PAPOLG: variants seen among roughly 807,000 people sequenced by gnomAD.
PAPOLG encodes poly(A) polymerase gamma, also known as PAP-gamma.
Under a neutral mutation model 99.0 loss-of-function variants are expected in PAPOLG, and 40 were observed. That is an observed-to-expected ratio of 0.40 (90% confidence interval 0.31 to 0.53). The LOEUF (loss-of-function observed/expected upper bound fraction) is 0.53, where lower values mean the gene tolerates loss of function less well. PAPOLG is among the 20% of genes least tolerant of loss of function. The pLI is 0.41. For missense variants in PAPOLG, 675 were observed against 884.1 expected, an observed-to-expected ratio of 0.76 and a Z score of 3.00; for synonymous variants, 310 against 299.3, an observed-to-expected ratio of 1.04 and a Z score of -0.37.
chr2:60,761,903 A>C (rs1045769088), intron 3 of PAPOLG, 96 bp downstream of exon 3: 1 of 890,762 alleles, frequency 1.1e-6, no homozygotes, highest in Non-Finnish European at 1.8e-6. Context: ...TCTGAAATAC[A>C]TCAAAGCTTG....
At chr2:60,796,894 A>G (rs917054103) in intron 21 of PAPOLG, 168 bp from the exon 22 acceptor site, 3 of 366,948 alleles carry the variant, frequency 8.2e-6, no homozygotes, top group African/African-American at 6.7e-5. Context: ...TCCGAAAGCA[A>G]GAGTTCCCTA....
chr2:60,756,403 A>G lies in PAPOLG; in HGVS notation c.-76A>G, dbSNP rs1670340039. 5 of 1,599,634 alleles carry G rather than the reference A, an allele frequency of 3.1e-6. No individual in the cohort carries two copies. The highest frequency in any genetic ancestry group is 1.7e-4 in the Middle Eastern group (1 of 5,962). On this transcript the variant is annotated 5_prime_UTR_variant, in exon 1 of 22. Coordinates refer to ENST00000238714, the MANE Select transcript of PAPOLG (RefSeq NM_022894.4). ...GCTACTAGCGACCGGAGGAAAGTGA[A>G]CAGGGGGAGAAGGGAACAGCAAGAA...
rs571066215 is a variant in PAPOLG at position 60,765,411 on chromosome 2, T to A, written c.247-3059T>A. ...TTCTCTTTTTTTTTTTTTTTGATTT[T>A]AAAAAAAAAAGTGACGAGGTCTCAC... On this transcript the variant is annotated intron_variant, in intron 3 of 21. Transcript: ENST00000238714. 2.4e-3 allele frequency among the ~76,000 whole-genome samples: 347 copies of A among 146,638 alleles called. 4 individuals carry two copies. Among genetic ancestry groups the A allele is most frequent in the South Asian group, 0.012 (56 of 4,612 alleles).
At chr2:60,792,388 G>A in intron 17 of PAPOLG, 99 bp downstream of exon 17, 1 of 1,121,578 alleles carries the variant, frequency 8.9e-7, no homozygotes, top group South Asian at 1.5e-5. Flanking sequence ...TTTTAAAATT[G>A]TTAAAAGATT....
At chr2:60,764,648 A>G (rs1217652183) in intron 3 of PAPOLG, among the ~76,000 whole-genome samples, 1 of 151,830 alleles carries the variant, frequency 6.6e-6, no homozygotes, top group African/African-American at 2.4e-5. Flanking sequence ...CTGATCTCGA[A>G]CTCCTGAGTT....
intron 17 of PAPOLG, among the ~76,000 whole-genome samples, chr2:60,793,280 G>T (rs1369814501): frequency 6.6e-6 from 1 of 151,074 alleles, no homozygotes; most frequent in African/African-American, 2.4e-5. Flanking sequence ...AATGGGGCCA[G>T]GCGTGGTGGG....
chr2:60,765,181 AC>A (rs1670636696), intron 3 of PAPOLG, among the ~76,000 whole-genome samples: 1 of 133,496 alleles, frequency 7.5e-6, no homozygotes, highest in Non-Finnish European at 1.6e-5. Flanking sequence ...CAATCCTCTC[AC>A]CCCAGCCCCC....
intron 10 of PAPOLG, among the ~76,000 whole-genome samples, chr2:60,781,339 G>A (rs939540780): frequency 1.3e-5 from 2 of 150,578 alleles, no homozygotes; most frequent in Non-Finnish European, 2.9e-5. Context: ...CCTGGGTGAC[G>A]AGTTGAGACT....
intron 11 of PAPOLG, 126 bp downstream of exon 11, chr2:60,782,131 T>A: frequency 9.7e-7 from 1 of 1,035,186 alleles, no homozygotes; most frequent in Non-Finnish European, 1.4e-6. Flanking sequence ...TTCTTTCAAG[T>A]ATGGTTATTT....
chr2:60,764,870 A>G (rs1000660311), intron 3 of PAPOLG, among the ~76,000 whole-genome samples: 6 of 152,100 alleles, frequency 3.9e-5, no homozygotes, highest in Non-Finnish European at 8.8e-5. Context: ...TATTTATGCT[A>G]TTTACTTTTG....
At chr2:60,785,823 G>A (rs1671345715) in intron 13 of PAPOLG, among the ~76,000 whole-genome samples, 1 of 151,554 alleles carries the variant, frequency 6.6e-6, no homozygotes, top group Non-Finnish European at 1.5e-5. Context: ...ATGAGCCACC[G>A]CACCTGGCCT....
In PAPOLG at chr2:60,761,813, ACT is replaced by A. The variant is rs1458922807; in HGVS notation, c.246+9_246+10del. The A allele has an allele frequency of 6.5e-6, 10 of 1,543,094 alleles. No homozygotes were observed. The highest frequency in any genetic ancestry group is 8.9e-6 in the Non-Finnish European group (10 of 1,122,432). On this transcript the variant is annotated splice_region_variant and intron_variant, in intron 3 of 21. Transcript: ENST00000238714. Reference sequence around the variant, plus strand: ...CTGATGTCAGCGAGAGTAAGGTAAGACTCTAAACTATGTGGAATTCTTGTTTT... The same window carrying A: ...CTGATGTCAGCGAGAGTAAGGTAAGACTAAACTATGTGGAATTCTTGTTTT...
Position 60,783,224 on chromosome 2 carries a change from T to C in PAPOLG, c.1166+15T>C, listed in dbSNP as rs753933751. On this transcript the variant is annotated intron_variant, in intron 13 of 21. Transcript: ENST00000238714. ...CATCTAGAGTGGTAAGACTTCTATT[T>C]CAAGTTTTCTACCTACTGTGTGGTG... 8 of 1,511,774 alleles carry C rather than the reference T, an allele frequency of 5.3e-6. 1 individual carries two copies. The South Asian group carries it at 1.0e-4, about 19-fold the overall frequency. 93.6% of individuals were successfully genotyped at this position (1,511,774 alleles called of 1,614,324 possible). A position where few individuals can be genotyped will look rare whatever the true frequency, so the allele number is the denominator to read the frequency against.
At chr2:60,759,390 C>T (rs149952071) in intron 1 of PAPOLG, among the ~76,000 whole-genome samples, 140 of 151,954 alleles carry the variant, frequency 9.2e-4, no homozygotes, top group African/African-American at 3.3e-3. Context: ...AAAAAAAAGT[C>T]TCAGAACTTC....
chr2:60,795,667 TATG>T (rs1671674660), intron 21 of PAPOLG, among the ~76,000 whole-genome samples: 1 of 150,452 alleles, frequency 6.6e-6, no homozygotes, highest in Non-Finnish European at 1.5e-5. Context: ...TATAAATATA[TATG>T]ATGATAATTA....
intron 5 of PAPOLG, among the ~76,000 whole-genome samples, chr2:60,769,692 A>G (rs1444426243): frequency 6.6e-6 from 1 of 152,140 alleles, no homozygotes; most frequent in African/African-American, 2.4e-5. Flanking sequence ...CTAAATAATC[A>G]GTTTTCAGTT....
chr2:60,783,106 G>C, intron 12 of PAPOLG, 50 bp from the exon 13 acceptor site: 1 of 1,486,360 alleles, frequency 6.7e-7, no homozygotes, highest in Non-Finnish European at 9.0e-7. Context: ...AAAGCAGGCT[G>C]TAACAATTTT....
At chr2:60,793,945 A>C (rs1173477845) in intron 18 of PAPOLG, 26 bp from the exon 19 acceptor site, 1 of 1,588,862 alleles carries the variant, frequency 6.3e-7, no homozygotes, top group African/African-American at 1.4e-5. Context: ...ATGTTTAATT[A>C]TTAAAATCCT....
At chr2:60,782,036 A>G (rs758281392) in intron 11 of PAPOLG, 31 bp downstream of exon 11, 2 of 1,604,654 alleles carry the variant, frequency 1.2e-6, no homozygotes, top group Non-Finnish European at 8.5e-7. Flanking sequence ...CCCTTTACAT[A>G]TTCCCACAAG....
Sources: gnomAD v4.1 joint callset for allele counts (sites outside exome capture counted in the v4.1 genomes callset) on GRCh38, gnomAD v4.1.1 for gene constraint, MANE v1.5 for transcripts, NCBI Gene and HGNC (gene_info 2026-07-23, HGNC 2026-07-21) for gene names.